The following THSD7B variants were observed in gnomAD, a reference collection of about 807,000 sequenced individuals.
THSD7B encodes the protein thrombospondin type-1 domain-containing protein 7B.
A neutral mutation model predicts 213.6 loss-of-function variants in THSD7B; 138 were observed. The observed-to-expected ratio is 0.65, with a 90% confidence interval of 0.56 to 0.74. The LOEUF is 0.74. Among genes scored for constraint, THSD7B ranks in the 30% least tolerant of loss-of-function variants. The probability of loss-of-function intolerance (pLI) is 0.00; values close to 1 mark genes in which losing one functional copy is unlikely to be tolerated. For missense variants in THSD7B, 1,931 were observed against 1,991.5 expected (o/e 0.97, Z 0.58); for synonymous variants, 742 against 687.0 (o/e 1.08, Z -1.25).
At chr2:137,356,394 T>C (rs1410682477) in intron 12 of THSD7B, among the ~76,000 whole-genome samples, 2 of 152,184 alleles carry the variant, frequency 1.3e-5, no homozygotes, top group African/African-American at 4.8e-5. Flanking sequence ...ACATCCTTTT[T>C]GGAGCCTAAT....
At chr2:137,485,288 C>T (rs1266809473) in intron 15 of THSD7B, among the ~76,000 whole-genome samples, 4 of 147,904 alleles carry the variant, frequency 2.7e-5, no homozygotes, top group Admixed American at 1.4e-4. Flanking sequence ...AATCCTTTCC[C>T]CATTGCTTGT....
intron 12 of THSD7B, among the ~76,000 whole-genome samples, chr2:137,325,167 T>TTCTTTG (rs1553439471): frequency 6.6e-6 from 1 of 151,680 alleles, no homozygotes; most frequent in Non-Finnish European, 1.5e-5. Context: ...TGTTTTTTGT[T>TTCTTTG]TTTTTGTTTT....
chr2:136,971,639 TACACACACAC>T (rs6146927), intron 2 of THSD7B, among the ~76,000 whole-genome samples: 1 of 135,306 alleles, frequency 7.4e-6, no homozygotes, highest in Non-Finnish European at 1.6e-5. Context: ...CAACAACAAA[TACACACACAC>T]ACACACACAC....
At chr2:137,247,897 T>G (rs1028198863) in intron 10 of THSD7B, among the ~76,000 whole-genome samples, 1 of 152,204 alleles carries the variant, frequency 6.6e-6, no homozygotes, top group African/African-American at 2.4e-5. Context: ...AATTTCTTCC[T>G]TTCCAAAATA....
intron 2 of THSD7B, among the ~76,000 whole-genome samples, chr2:136,983,358 G>GACACACACACAGACACACACACAC (rs1685617351): frequency 3.8e-5 from 4 of 105,028 alleles, no homozygotes; most frequent in Admixed American, 9.3e-5. Context: ...CAGACACACA[G>GACACACACACAGACACACACACAC]ACACACACAC....
chr2:137,259,315 G>A lies in THSD7B; in HGVS notation c.2267-13218G>A, dbSNP rs567119079. On this transcript the variant is annotated intron_variant, in intron 10 of 27. Transcript: ENST00000409968. ...ATACTCCCACCAAAAGTGTAAAAGC[G>A]TTCCTACTTCTCCACAGCCTAGCCA... is the stretch of plus-strand genomic sequence containing the variant. Among the ~76,000 whole-genome samples, 20 of 152,252 alleles carry A rather than the reference G, an allele frequency of 1.3e-4. 1 individual carries two copies. The highest frequency in any genetic ancestry group is 4.2e-4 in the South Asian group (2 of 4,818).
chr2:137,344,359 GAAT>G (rs1362368236), intron 12 of THSD7B, among the ~76,000 whole-genome samples: 2 of 151,796 alleles, frequency 1.3e-5, no homozygotes, highest in East Asian at 3.9e-4. Flanking sequence ...TCTAATATGA[GAAT>G]AAGACAAACT....
intron 2 of THSD7B, among the ~76,000 whole-genome samples, chr2:136,965,034 T>G (rs1218316038): frequency 6.7e-6 from 1 of 149,884 alleles, no homozygotes; most frequent in Non-Finnish European, 1.5e-5. Flanking sequence ...AAAAAAGGGT[T>G]GTTTATACCA....
intron 7 of THSD7B, among the ~76,000 whole-genome samples, chr2:137,197,487 C>G (rs1055308878): frequency 6.6e-6 from 1 of 151,876 alleles, no homozygotes; most frequent in Non-Finnish European, 1.5e-5. Context: ...TAAATCACCA[C>G]CAAAAGATAT....
In THSD7B at chr2:137,084,971, G is replaced by A. The variant is rs77592802; in HGVS notation, c.951-9902G>A. ...ATTACCCCCTTACCTAGAGAAGATA[G>A]TGTTAGTATAAAAGATCATACTGTG... On this transcript the variant is annotated intron_variant, in intron 3 of 27. Transcript: ENST00000409968. Among the ~76,000 whole-genome samples the A allele has an allele frequency of 3.4e-3, 518 of 152,270 alleles. 7 individuals carry two copies. The East Asian group carries it at 0.043, about 13-fold the overall frequency.
At chr2:137,626,622 T>G (rs1380432377) in intron 20 of THSD7B, among the ~76,000 whole-genome samples, 1 of 152,228 alleles carries the variant, frequency 6.6e-6, no homozygotes, top group East Asian at 1.9e-4. Flanking sequence ...AGATACTGTT[T>G]CATTCTCTAC....
rs1465152984 is a variant in THSD7B, at chr2:136,860,087, G to A, written c.-35-22057G>A. Among the ~76,000 whole-genome samples, 5 of 138,614 alleles carry A rather than the reference G, an allele frequency of 3.6e-5. No homozygotes were observed. In the East Asian group the frequency reaches 6.5e-4, roughly 18 times the overall value. The allele number at this position is 138,614 out of a possible 152,430, so 90.9% of individuals were successfully genotyped here. A position where few individuals can be genotyped will look rare whatever the true frequency, so the allele number is the denominator to read the frequency against. On this transcript the variant is annotated intron_variant, in intron 1 of 27. Coordinates refer to ENST00000409968, the MANE Select transcript of THSD7B (RefSeq NM_001316349.2). ...GGCTGGAGTGCAGCGGCGTGATCTCGGCGCACTACAAGCTCTGCCTCCCGG... is the reference window on the plus strand; with the variant it reads ...GGCTGGAGTGCAGCGGCGTGATCTCAGCGCACTACAAGCTCTGCCTCCCGG...
chr2:137,094,821 A>G, intron 3 of THSD7B, 52 bp from the exon 4 acceptor site: 1 of 1,575,880 alleles, frequency 6.3e-7, no homozygotes, highest in Non-Finnish European at 8.6e-7. Context: ...TTATAATGTT[A>G]GTTGCATCCA....
intron 7 of THSD7B, among the ~76,000 whole-genome samples, chr2:137,198,395 T>C (rs1005349069): frequency 2.6e-5 from 4 of 152,174 alleles, no homozygotes; most frequent in East Asian, 3.9e-4. Context: ...GAATGACTTA[T>C]GTTTAATAAA....
chr2:137,483,850 A>G lies in THSD7B; in HGVS notation c.3138+32827A>G, dbSNP rs143036397. On this transcript the variant is annotated intron_variant, in intron 15 of 27. Coordinates refer to ENST00000409968, the MANE Select transcript of THSD7B (RefSeq NM_001316349.2). ...GAATCATTTCGGAGACAGAATTTAC[A>G]GTCCGTGTTCATGGATAGAAACTTG... 5.3e-5 allele frequency among the ~76,000 whole-genome samples: 8 copies of G among 152,258 alleles called. No homozygotes were observed. In the East Asian group the frequency reaches 1.4e-3, roughly 26 times the overall value.
intron 10 of THSD7B, among the ~76,000 whole-genome samples, chr2:137,268,830 A>AT (rs1193753120): frequency 1.3e-5 from 2 of 152,098 alleles, no homozygotes; most frequent in Non-Finnish European, 2.9e-5. Flanking sequence ...AAACACCTCT[A>AT]ACAAAATAAG....
At chr2:137,379,863 G>T (rs1001231959) in intron 12 of THSD7B, among the ~76,000 whole-genome samples, 2 of 152,280 alleles carry the variant, frequency 1.3e-5, no homozygotes, top group Admixed American at 1.3e-4. Flanking sequence ...TAGGGCTCTT[G>T]CCCTGCTCCA....
intron 1 of THSD7B, among the ~76,000 whole-genome samples, chr2:136,878,917 T>C (rs1683570277): frequency 6.6e-6 from 1 of 152,218 alleles, no homozygotes; most frequent in Non-Finnish European, 1.5e-5. Context: ...GCTCTTTAGT[T>C]TAATTAGATC....
At chr2:137,293,029 T>C (rs115353761) in intron 12 of THSD7B, among the ~76,000 whole-genome samples, 3,214 of 152,288 alleles carry the variant, frequency 0.021, 116 homozygotes, top group African/African-American at 0.073. Flanking sequence ...CAGCCATTGC[T>C]TAAGGCACTA....
Sources: allele counts gnomAD v4.1 joint callset (sites outside exome capture counted in the v4.1 genomes callset), GRCh38; gene constraint gnomAD v4.1.1; transcripts MANE v1.5; gene names NCBI Gene and HGNC (gene_info 2026-07-23, HGNC 2026-07-21).